The following CHD6 variants were observed in gnomAD, a reference collection of about 807,000 sequenced individuals.
CHD6 encodes chromodomain helicase DNA binding protein 6.
In CHD6, 50 loss-of-function variants were observed where a neutral mutation model predicts 276.9. That is an observed-to-expected ratio of 0.18 (90% CI 0.14 to 0.23). The LOEUF is 0.23. CHD6 is among the 10% of genes least tolerant of loss of function. The probability of loss-of-function intolerance (pLI) is 1.00; values close to 1 mark genes in which losing one functional copy is unlikely to be tolerated. For synonymous variants in CHD6, 1,173 were observed against 1,229.3 expected, an observed-to-expected ratio of 0.95 and a Z score of 0.96; for missense variants, 2,564 against 3,365.8, an observed-to-expected ratio of 0.76 and a Z score of 5.89.
chr20:41,606,771 C>CA (rs1243238909), intron 1 of CHD6, among the ~76,000 whole-genome samples: 1 of 152,154 alleles, frequency 6.6e-6, no homozygotes, highest in African/African-American at 2.4e-5. Context: ...TTCTCAAACT[C>CA]AGATACGCAC....
chr20:41,577,383 GTGGTATCC>G (rs1568713018), intron 1 of CHD6, among the ~76,000 whole-genome samples: 2 of 152,188 alleles, frequency 1.3e-5, no homozygotes. Flanking sequence ...AAAGGTCAGA[GTGGTATCC>G]TGTGTGAATC....
At chr20:41,559,513 T>C (rs538202766) in intron 1 of CHD6, among the ~76,000 whole-genome samples, 1 of 152,328 alleles carries the variant, frequency 6.6e-6, no homozygotes, top group Non-Finnish European at 1.5e-5. Flanking sequence ...TTTTAAACTA[T>C]GGACCATTTC....
intron 3 of CHD6, among the ~76,000 whole-genome samples, chr20:41,517,283 T>C (rs1003503930): frequency 6.6e-6 from 1 of 151,578 alleles, no homozygotes; most frequent in Non-Finnish European, 1.5e-5. Flanking sequence ...TTTTGGAGGG[T>C]GGAGGATGGG....
At chr20:41,490,799 C>T (rs536838431) in intron 11 of CHD6, among the ~76,000 whole-genome samples, 11 of 151,820 alleles carry the variant, frequency 7.2e-5, no homozygotes, top group East Asian at 1.9e-4. Context: ...GGTGACAGAG[C>T]GAGGCTCTGT....
chr20:41,493,463 G>C (rs921054870), intron 10 of CHD6, 75 bp downstream of exon 10: 3 of 1,448,762 alleles, frequency 2.1e-6, no homozygotes, highest in Non-Finnish European at 2.9e-6. Context: ...AACAAGCCAG[G>C]TGGACTTCCA....
chr20:41,528,870 G>T (rs1366382254), intron 3 of CHD6, among the ~76,000 whole-genome samples: 4 of 152,092 alleles, frequency 2.6e-5, no homozygotes, highest in African/African-American at 7.2e-5. Flanking sequence ...CCTCTCAAAT[G>T]CAAACACAAA....
intron 36 of CHD6, among the ~76,000 whole-genome samples, chr20:41,411,210 G>A (rs1366480257): frequency 1.1e-3 from 1 of 886 alleles, no homozygotes; most frequent in Non-Finnish European, 2.6e-3. Flanking sequence ...CGGTCATCCA[G>A]GTGACACTCT....
At chr20:41,443,320 C>G (rs763381410) in intron 25 of CHD6, among the ~76,000 whole-genome samples, 2 of 152,202 alleles carry the variant, frequency 1.3e-5, no homozygotes, top group Non-Finnish European at 2.9e-5. Context: ...ATACCCTGAA[C>G]AGTGATTAGG....
intron 7 of CHD6, 197 bp from the exon 8 acceptor site, chr20:41,497,698 A>T (rs1395410567): frequency 1.7e-6 from 1 of 577,464 alleles, no homozygotes; most frequent in Non-Finnish European, 3.1e-6. Context: ...AGTAATTCCA[A>T]GCAACTGATC....
chr20:41,427,388 A>C (rs2047399882), intron 27 of CHD6, among the ~76,000 whole-genome samples: 1 of 152,198 alleles, frequency 6.6e-6, no homozygotes, highest in Non-Finnish European at 1.5e-5. Flanking sequence ...GCATTGCACA[A>C]AACCTTTTAC....
rs757877491 is a variant in CHD6 at position 41,454,609 on chromosome 20, ATAT to A, written c.3120+14_3120+16del. ...ATAAGTGAATGTTCCATGGAATAAA[ATAT>A]TATTTTGCTGTACCTTTTCATTCTT... On this transcript the variant is annotated intron_variant, in intron 20 of 36. Coordinates refer to ENST00000373233, the MANE Select transcript of CHD6 (RefSeq NM_032221.5). 6.4e-7 allele frequency: 1 copy of A among 1,567,238 alleles called. No homozygotes were observed. The highest frequency in any genetic ancestry group is 8.8e-7 in the Non-Finnish European group (1 of 1,140,530).
intron 1 of CHD6, among the ~76,000 whole-genome samples, chr20:41,600,451 G>A (rs186485658): frequency 3.3e-4 from 51 of 152,258 alleles, no homozygotes; most frequent in African/African-American, 1.1e-3. Context: ...TCTTATCCAG[G>A]AAGGGTCACA....
chr20:41,514,755 T>C, intron 4 of CHD6, 50 bp downstream of exon 4: 1 of 1,601,778 alleles, frequency 6.2e-7, no homozygotes. Flanking sequence ...GTCAGCCAGA[T>C]CCCATCCAGG....
chr20:41,462,159 A>G (rs1481180960), intron 17 of CHD6, among the ~76,000 whole-genome samples: 2 of 152,202 alleles, frequency 1.3e-5, no homozygotes, highest in East Asian at 3.9e-4. Flanking sequence ...ATGCATATAT[A>G]AGACAAAATA....
intron 1 of CHD6, among the ~76,000 whole-genome samples, chr20:41,581,211 A>G (rs2045535209): frequency 6.6e-6 from 1 of 152,200 alleles, no homozygotes; most frequent in Non-Finnish European, 1.5e-5. Flanking sequence ...TAGGTACGGT[A>G]CTATTATTGT....
intron 16 of CHD6, among the ~76,000 whole-genome samples, chr20:41,480,209 A>T (rs2145815380): frequency 6.6e-6 from 1 of 152,334 alleles, no homozygotes; most frequent in East Asian, 1.9e-4. Flanking sequence ...AGCATGAGAA[A>T]CAAGGCAGAT....
chr20:41,492,557 G>C (rs773185358), intron 10 of CHD6, among the ~76,000 whole-genome samples: 1 of 152,138 alleles, frequency 6.6e-6, no homozygotes, highest in African/African-American at 2.4e-5. Flanking sequence ...TTTTTAAACA[G>C]AAACTGATCA....
At position 41,539,851 on chromosome 20, in the gene CHD6, GAAT is replaced by G. The variant is rs1262303382; in HGVS notation, c.34-6284_34-6282del. On this transcript the variant is annotated intron_variant, in intron 2 of 36. Coordinates refer to ENST00000373233, the MANE Select transcript of CHD6 (RefSeq NM_032221.5). ...AAATTAATAGTACACCCATCATCTG[GAAT>G]AATACTACGCAACCATTATTATACG... Among the ~76,000 whole-genome samples, 10 of 152,230 alleles carry G rather than the reference GAAT, an allele frequency of 6.6e-5. 1 individual carries two copies. The highest frequency in any genetic ancestry group is 2.4e-4 in the African/African-American group (10 of 41,550).
chr20:41,471,261 T>C (rs983936712), intron 17 of CHD6, among the ~76,000 whole-genome samples: 10 of 152,226 alleles, frequency 6.6e-5, no homozygotes, highest in Admixed American at 1.3e-4. Flanking sequence ...AAGGCAATCA[T>C]TTTCCACCCC....
Sources: allele counts gnomAD v4.1 joint callset (sites outside exome capture counted in the v4.1 genomes callset), GRCh38; gene constraint gnomAD v4.1.1; transcripts MANE v1.5; gene names NCBI Gene and HGNC (gene_info 2026-07-23, HGNC 2026-07-21).